Variants in ELMO1 observed in about 807,000 individuals in gnomAD.
ELMO1 encodes the protein engulfment and cell motility protein 1.
A neutral mutation model predicts 98.9 loss-of-function variants in ELMO1; 26 were observed. That is an observed-to-expected ratio of 0.26 (90% CI 0.19 to 0.36). The LOEUF is 0.36. ELMO1 is among the 10% of genes least tolerant of loss of function. The pLI is 1.00. For missense variants in ELMO1, 627 were observed against 935.2 expected, an observed-to-expected ratio of 0.67 and a Z score of 4.30; for synonymous variants, 346 against 346.0, an observed-to-expected ratio of 1.00 and a Z score of 0.00.
At chr7:37,289,957 G>A (rs1162938392) in intron 4 of ELMO1, among the ~76,000 whole-genome samples, 1 of 152,192 alleles carries the variant, frequency 6.6e-6, no homozygotes, top group Non-Finnish European at 1.5e-5. Context: ...TATGCTCTAG[G>A]CCTTGCCTCC....
rs143642747 is a variant in ELMO1, at chr7:37,025,078, G to A, written c.1301-11643C>T. ...GGCTCTGTGTTTGCTCTTTTCCTTT[G>A]TCCTCCAGTTGAAAACAATCAAGAT... On this transcript the variant is annotated intron_variant, in intron 15 of 21. Coordinates refer to ENST00000310758, the MANE Select transcript of ELMO1 (RefSeq NM_014800.11). Among the ~76,000 whole-genome samples, 755 of 152,238 alleles carry A rather than the reference G, an allele frequency of 5.0e-3. 1 individual carries two copies. The highest frequency in any genetic ancestry group is 8.3e-3 in the Non-Finnish European group (562 of 68,022).
At position 36,855,854 on chromosome 7, in the gene ELMO1, C is replaced by A; in HGVS notation, c.1984-103G>T. On this transcript the variant is annotated intron_variant, in intron 21 of 21. Coordinates refer to ENST00000310758, the MANE Select transcript of ELMO1 (RefSeq NM_014800.11). This position sits in a 1 kb window ranked among gnomAD's most constrained non-coding sequence, Gnocchi z 4.2. ...AATACTCATCCCTCAGTAGGCTGTG[C>A]GCTAAGGGCTCTGCCTACTTCGTCA... is the stretch of plus-strand genomic sequence containing the variant. 2.3e-6 allele frequency: 3 copies of A among 1,325,044 alleles called. No homozygotes were observed. The highest frequency in any genetic ancestry group is 3.2e-6 in the Non-Finnish European group (3 of 938,960). The allele number at this position is 1,325,044 out of a possible 1,614,324, so 82.1% of individuals were successfully genotyped here. A position where few individuals can be genotyped will look rare whatever the true frequency, so the allele number is the denominator to read the frequency against.
intron 16 of ELMO1, among the ~76,000 whole-genome samples, chr7:36,948,854 CTT>C (rs901816449): frequency 1.6e-4 from 24 of 152,270 alleles, no homozygotes; most frequent in African/African-American, 5.8e-4. Flanking sequence ...CTCACTCACT[CTT>C]TTTGTTTGTT....
At chr7:37,163,942 A>G (rs905448782) in intron 13 of ELMO1, among the ~76,000 whole-genome samples, 3 of 152,234 alleles carry the variant, frequency 2.0e-5, no homozygotes, top group African/African-American at 7.2e-5. Context: ...GAACTAGTTT[A>G]CAGTCCCACC....
chr7:37,185,253 T>C (rs1791130976), intron 13 of ELMO1, among the ~76,000 whole-genome samples: 1 of 152,350 alleles, frequency 6.6e-6, no homozygotes, highest in South Asian at 2.1e-4. Flanking sequence ...TTTTCAAAGA[T>C]ATTACAATAG....
chr7:37,429,046 TG>T (rs1804823297), intron 1 of ELMO1, among the ~76,000 whole-genome samples: 1 of 152,044 alleles, frequency 6.6e-6, no homozygotes, highest in African/African-American at 2.4e-5. Context: ...TTGTTGTTGT[TG>T]TTGTTGTTAT....
At chr7:37,102,579 C>A (rs1177817068) in intron 14 of ELMO1, among the ~76,000 whole-genome samples, 1 of 152,210 alleles carries the variant, frequency 6.6e-6, no homozygotes, top group Non-Finnish European at 1.5e-5. Context: ...CAGCAAAAGG[C>A]AACAAACAGC....
chr7:36,891,670 G>GAA (rs1290160875), intron 17 of ELMO1, among the ~76,000 whole-genome samples: 2 of 152,182 alleles, frequency 1.3e-5, no homozygotes, highest in Non-Finnish European at 2.9e-5. Context: ...TTTCATGCAT[G>GAA]ACTCTGTCAA....
intron 11 of ELMO1, 104 bp downstream of exon 11, chr7:37,216,541 A>AG: frequency 7.6e-7 from 1 of 1,316,528 alleles, no homozygotes; most frequent in Non-Finnish European, 1.1e-6. Flanking sequence ...TCACCACAGA[A>AG]GGAAGTCACA....
intron 15 of ELMO1, among the ~76,000 whole-genome samples, chr7:37,077,078 C>T (rs912842645): frequency 6.6e-6 from 1 of 152,208 alleles, no homozygotes. Context: ...CGCTCCAACC[C>T]GTGCAGCCTC....
chr7:37,083,112 A>G (rs771225912), intron 15 of ELMO1, among the ~76,000 whole-genome samples: 10 of 152,156 alleles, frequency 6.6e-5, no homozygotes, highest in African/African-American at 2.4e-4. Context: ...ACTTGTCTAG[A>G]GCTGCTTGGT....
chr7:37,010,645 CT>C (rs1303593188), intron 16 of ELMO1, among the ~76,000 whole-genome samples: 1 of 152,206 alleles, frequency 6.6e-6, no homozygotes, highest in East Asian at 1.9e-4. Context: ...CTCCTAGAGC[CT>C]CTGGAAAGAA....
At chr7:36,937,238 G>A (rs1786617570) in intron 16 of ELMO1, among the ~76,000 whole-genome samples, 1 of 152,250 alleles carries the variant, frequency 6.6e-6, no homozygotes, top group Admixed American at 6.5e-5. Flanking sequence ...TACTGGAGCA[G>A]AGTTGGCCCC....
chr7:37,024,708 G>A (rs1408437698), intron 15 of ELMO1, among the ~76,000 whole-genome samples: 1 of 152,224 alleles, frequency 6.6e-6, no homozygotes, highest in Non-Finnish European at 1.5e-5. Flanking sequence ...TGAAGATATA[G>A]TGGAAAGATT....
At chr7:37,252,193 G>A (rs946627550) in intron 6 of ELMO1, among the ~76,000 whole-genome samples, 1 of 152,098 alleles carries the variant, frequency 6.6e-6, no homozygotes, top group Non-Finnish European at 1.5e-5. Flanking sequence ...TCCCCATCAA[G>A]CTACCATTGA....
intron 14 of ELMO1, among the ~76,000 whole-genome samples, chr7:37,097,556 C>T (rs541639290): frequency 2.6e-5 from 4 of 151,256 alleles, no homozygotes; most frequent in Non-Finnish European, 5.9e-5. Context: ...TGCACTCCAG[C>T]CTGAGTGACA....
intron 5 of ELMO1, among the ~76,000 whole-genome samples, chr7:37,264,165 G>A (rs528115221): frequency 1.3e-5 from 2 of 152,262 alleles, no homozygotes; most frequent in South Asian, 2.1e-4. Context: ...GGGAATATGC[G>A]CAGTGGAGTG....
rs369838763 is a variant in ELMO1, at chr7:36,894,859, C to T, written c.1596G>A (p.Pro532=). Residue 532 remains proline (P), a synonymous_variant, in exon 17 of 22, where the codon CCG becomes CCA. Coordinates refer to ENST00000310758, the MANE Select transcript of ELMO1 (RefSeq NM_014800.11). The stretch of plus-strand genomic sequence containing the variant: ...GTCAATACTAGGTAACTTACAAAAT[C>T]GGGCGGGACTGGAAATCTTCCTGGT... ...RMNQEDFQSR[P]ILELKEKIQP... 1.1e-5 allele frequency: 17 copies of T among 1,613,960 alleles called. 1 individual carries two copies. The highest frequency in any genetic ancestry group is 1.6e-4 in the Middle Eastern group (1 of 6,080).
intron 1 of ELMO1, among the ~76,000 whole-genome samples, chr7:37,402,633 G>T (rs1803584346): frequency 6.6e-6 from 1 of 152,132 alleles, no homozygotes. Context: ...GCTATTTAAT[G>T]AATCTGAAGC....
Sources: gnomAD v4.1 joint callset for allele counts (sites outside exome capture counted in the v4.1 genomes callset) on GRCh38, gnomAD v4.1.1 for gene constraint, Gnocchi (gnomAD v3.1) non-coding constraint, MANE v1.5 for transcripts, NCBI Gene and HGNC (gene_info 2026-07-23, HGNC 2026-07-21) for gene names.